Variants in AKR1E2 observed in about 807,000 individuals in gnomAD.
The protein encoded by AKR1E2 is 1,5-anhydro-D-fructose reductase.
A neutral mutation model predicts 41.9 loss-of-function variants in AKR1E2; 43 were observed. The ratio of observed to expected loss-of-function variants is 1.03; its 90% CI spans 0.80 to 1.32. The LOEUF (loss-of-function observed/expected upper bound fraction) is 1.32. Ranked by LOEUF, AKR1E2 falls within the 40% of genes most tolerant of loss-of-function variation. The pLI, the probability that AKR1E2 is intolerant of heterozygous loss-of-function variation, is 0.00. For missense variants in AKR1E2, 423 were observed against 396.5 expected, an observed-to-expected ratio of 1.07 and a Z score of -0.57; for synonymous variants, 121 against 138.9, an observed-to-expected ratio of 0.87 and a Z score of 0.91.
At chr10:4,833,580 G>C in intron 3 of AKR1E2, 114 bp downstream of exon 3, 1 of 857,354 alleles carries the variant, frequency 1.2e-6, no homozygotes, top group Admixed American at 2.0e-5. Context: ...GGGTTCCCAG[G>C]CTGCATCTGC....
downstream of AKR1E2, among the ~76,000 whole-genome samples, chr10:4,851,280 A>G (rs911951326): frequency 2.0e-5 from 3 of 152,244 alleles, no homozygotes; most frequent in Non-Finnish European, 4.4e-5. Context: ...CAAATCAACT[A>G]TCCAGACCTA....
chr10:4,832,000 G>A (rs906457292), intron 2 of AKR1E2, among the ~76,000 whole-genome samples: 2 of 152,198 alleles, frequency 1.3e-5, no homozygotes, highest in Non-Finnish European at 2.9e-5. Context: ...AGTGGGTGAG[G>A]GAGGGAGAAG....
rs754326946 is a variant in AKR1E2, at chr10:4,830,757, A to C, written c.122A>C (p.His41Pro). ...YRHFDCAYFYHNEREVGAGIR... is the reference protein window; with the variant it reads ...YRHFDCAYFYPNEREVGAGIR... ...CACTTCGACTGTGCTTACTTTTACC[A>C]CAATGAGAGGGAGGTTGGAGCAGGG... Residue 41 changes from histidine to proline, a missense_variant, in exon 2 of 10, where the codon CAC becomes CCC. Transcript: ENST00000298375. 6.2e-7 allele frequency: 1 copy of C among 1,614,168 alleles called. No individual in the cohort carries two copies. The highest frequency in any genetic ancestry group is 1.3e-5 in the African/African-American group (1 of 75,042).
the AKR1E2 span, among the ~76,000 whole-genome samples, chr10:4,857,513 C>G: frequency 4.6e-5 from 7 of 152,138 alleles, no homozygotes; most frequent in Non-Finnish European, 8.8e-5. Context: ...AGAAGTTGAG[C>G]AGATGCCAGC....
the AKR1E2 span, among the ~76,000 whole-genome samples, chr10:4,870,546 T>C: frequency 2.3e-4 from 35 of 152,104 alleles, no homozygotes; most frequent in African/African-American, 8.2e-4. Flanking sequence ...TTGAAAGATA[T>C]TTTTGCTGGA....
At chr10:4,828,326 G>A (rs1484708068) in intron 1 of AKR1E2, among the ~76,000 whole-genome samples, 1 of 152,196 alleles carries the variant, frequency 6.6e-6, no homozygotes, top group East Asian at 1.9e-4. Flanking sequence ...AGCAAGGGGA[G>A]CGGTGAGATG....
chr10:4,835,094 C>A (rs1038076378), intron 3 of AKR1E2, among the ~76,000 whole-genome samples: 6 of 152,220 alleles, frequency 3.9e-5, no homozygotes, highest in African/African-American at 1.4e-4. Flanking sequence ...CATGCCTATG[C>A]CATTCACCCT....
At chr10:4,864,121 A>T in the AKR1E2 span, among the ~76,000 whole-genome samples, 1 of 152,228 alleles carries the variant, frequency 6.6e-6, no homozygotes, top group South Asian at 2.1e-4. Context: ...TGAGGCCAGC[A>T]TCATCCTGAT....
chr10:4,832,689 T>C (rs1342265920), intron 2 of AKR1E2, among the ~76,000 whole-genome samples: 1 of 152,258 alleles, frequency 6.6e-6, no homozygotes, highest in African/African-American at 2.4e-5. Flanking sequence ...GAAGATACTG[T>C]GCTCGTTTGT....
At chr10:4,849,590 G>T (rs1161815629), downstream of AKR1E2, among the ~76,000 whole-genome samples, 1 of 152,232 alleles carries the variant, frequency 6.6e-6, no homozygotes, top group East Asian at 1.9e-4. Context: ...GAGTAGAATG[G>T]TGGTTACCAG....
Position 4,847,811 on chromosome 10 carries a change from C to A in AKR1E2, c.*281C>A. On this transcript the variant is annotated 3_prime_UTR_variant, in exon 10 of 10. Transcript: ENST00000298375. ...AATTTGCCTTCACATTTTAAGAAAA[C>A]TTTATCTTATGGAGTTATTTAAGCC... The A allele has an allele frequency of 4.4e-6, 2 of 455,242 alleles. No homozygotes were observed. The highest frequency in any genetic ancestry group is 2.0e-5 in the African/African-American group (1 of 49,938). 28.2% of individuals were successfully genotyped at this position (455,242 alleles called of 1,614,324 possible).
chr10:4,832,632 T>G (rs1371468078), intron 2 of AKR1E2, among the ~76,000 whole-genome samples: 1 of 152,242 alleles, frequency 6.6e-6, no homozygotes, highest in Non-Finnish European at 1.5e-5. Context: ...CAACTGTGAT[T>G]AACAATGGAA....
chr10:4,862,695 T>C, the AKR1E2 span, among the ~76,000 whole-genome samples: 1 of 152,150 alleles, frequency 6.6e-6, no homozygotes, highest in African/African-American at 2.4e-5. Flanking sequence ...TTGAAGCAAT[T>C]GTGAATGGGA....
chr10:4,829,590 C>CT (rs149822902), intron 1 of AKR1E2, among the ~76,000 whole-genome samples: 17 of 151,512 alleles, frequency 1.1e-4, no homozygotes, highest in East Asian at 5.8e-4. Flanking sequence ...GTGGTTTTCT[C>CT]TTTTTTTTGA....
At chr10:4,846,068 G>A in intron 8 of AKR1E2, 1 of 356,208 alleles carries the variant, frequency 2.8e-6, no homozygotes. Context: ...CCCTTTATAA[G>A]GAGTCTTCTA....
chr10:4,825,927 G>A (rs540418356), upstream of AKR1E2, among the ~76,000 whole-genome samples: 1 of 152,030 alleles, frequency 6.6e-6, no homozygotes, highest in East Asian at 1.9e-4. Context: ...CACACCTAAG[G>A]TGGGGGCGTG....
upstream of AKR1E2, among the ~76,000 whole-genome samples, chr10:4,825,803 C>G (rs1832433112): frequency 6.6e-6 from 1 of 152,208 alleles, no homozygotes; most frequent in Non-Finnish European, 1.5e-5. Context: ...CTAGGATGGC[C>G]CGGCCATGGC....
chr10:4,835,918 G>C, intron 4 of AKR1E2, 109 bp downstream of exon 4: 3 of 1,455,050 alleles, frequency 2.1e-6, no homozygotes, highest in Non-Finnish European at 2.8e-6. Context: ...GTCTACCTGA[G>C]ATGTGGGGTT....
At chr10:4,850,899 C>G (rs1353312689), downstream of AKR1E2, among the ~76,000 whole-genome samples, 1 of 152,178 alleles carries the variant, frequency 6.6e-6, no homozygotes, top group Non-Finnish European at 1.5e-5. Context: ...TCCATCTTTT[C>G]TCTTTCTTCC....
Sources: gnomAD v4.1 joint callset for allele counts (sites outside exome capture counted in the v4.1 genomes callset) on GRCh38, gnomAD v4.1.1 for gene constraint, MANE v1.5 for transcripts, NCBI Gene and HGNC (gene_info 2026-07-23, HGNC 2026-07-21) for gene names.